MECOM: variants seen among roughly 807,000 people sequenced by gnomAD.
MECOM encodes the protein MDS1 and EVI1 complex locus.
Under a neutral mutation model 116.3 loss-of-function variants are expected in MECOM, and 13 were observed. That is an observed-to-expected ratio of 0.11 (90% confidence interval 0.07 to 0.18). The LOEUF is 0.18. Ranked by LOEUF, MECOM falls within the 10% of genes least tolerant of loss-of-function variation. The pLI is 1.00. For missense variants in MECOM, 1,299 were observed against 1,509.0 expected (o/e 0.86, Z 2.31); for synonymous variants, 528 against 535.2 (o/e 0.99, Z 0.19).
chr3:169,257,836 A>G (rs1396076137), intron 2 of MECOM, among the ~76,000 whole-genome samples: 2 of 152,164 alleles, frequency 1.3e-5, no homozygotes, highest in Non-Finnish European at 2.9e-5. Context: ...TAGAGATGTA[A>G]CCTATATATT....
intron 10 of MECOM, among the ~76,000 whole-genome samples, chr3:169,103,747 G>A (rs1163718287): frequency 1.3e-5 from 2 of 152,160 alleles, no homozygotes; most frequent in Non-Finnish European, 2.9e-5. Context: ...CACACAGCTG[G>A]ACAGAATACC....
At chr3:169,464,443 G>A (rs1747953600) in intron 1 of MECOM, among the ~76,000 whole-genome samples, 1 of 152,042 alleles carries the variant, frequency 6.6e-6, no homozygotes, top group African/African-American at 2.4e-5. Flanking sequence ...TGTCCATCAG[G>A]ATGTCTCGCC....
rs183636563 is a variant in MECOM, at chr3:169,124,837, A to C, written c.831-2110T>G. Among the ~76,000 whole-genome samples the C allele has an allele frequency of 3.1e-3, 467 of 152,170 alleles. 3 individuals carry two copies. Among genetic ancestry groups the C allele is most frequent in the Middle Eastern group, 0.014 (4 of 294 alleles). ...AGAAAAGAAAAAGTACCAACCATGA[A>C]AGCATTCTTTTATTTTCTTTTATTT... On this transcript the variant is annotated intron_variant, in intron 5 of 16. Transcript: ENST00000651503.
intron 1 of MECOM, among the ~76,000 whole-genome samples, chr3:169,547,523 TC>T (rs1417454050): frequency 6.6e-6 from 1 of 152,188 alleles, no homozygotes; most frequent in Non-Finnish European, 1.5e-5. Flanking sequence ...GGGTTCATAC[TC>T]CACCTCTGCC....
Position 169,151,715 on chromosome 3 carries a change from A to G in MECOM, c.376-7883T>C, listed in dbSNP as rs560654088. Among the ~76,000 whole-genome samples, 13 of 152,346 alleles carry G rather than the reference A, an allele frequency of 8.5e-5. 1 individual carries two copies. Among genetic ancestry groups the G allele is most frequent in the African/African-American group, 2.4e-4 (10 of 41,578 alleles). On this transcript the variant is annotated intron_variant, in intron 2 of 16. Coordinates refer to ENST00000651503, the MANE Select transcript of MECOM (RefSeq NM_004991.4). ...TGATGTGTGTTTAAAAAGAAAATCAATGCTTCCTTTTCCATGTCAGAATAG... is the reference window on the plus strand; with the variant it reads ...TGATGTGTGTTTAAAAAGAAAATCAGTGCTTCCTTTTCCATGTCAGAATAG...
rs117025411 is a variant in MECOM, at chr3:169,230,973, C to T, written c.376-87141G>A. 3.6e-4 allele frequency among the ~76,000 whole-genome samples: 55 copies of T among 152,160 alleles called. No homozygotes were observed. The East Asian group carries it at 0.01, about 29-fold the overall frequency. On this transcript the variant is annotated intron_variant, in intron 2 of 16. Coordinates refer to ENST00000651503, the MANE Select transcript of MECOM (RefSeq NM_004991.4). ...TTTAACTTTCACTTTTATTAACTTG[C>T]CATTCATAGACGTTTGTTTAAATAC...
At position 169,084,604 on chromosome 3, in the gene MECOM, G is replaced by C. The variant is rs1576800732; in HGVS notation, c.*305C>G. The C allele has an allele frequency of 3.1e-6, 1 of 322,930 alleles. No homozygotes were observed. The highest frequency in any genetic ancestry group is 5.8e-6 in the Non-Finnish European group (1 of 173,888). 20.0% of individuals were successfully genotyped at this position (322,930 alleles called of 1,614,324 possible). A position where few individuals can be genotyped will look rare whatever the true frequency, so the allele number is the denominator to read the frequency against. On this transcript the variant is annotated 3_prime_UTR_variant, in exon 17 of 17. Transcript: ENST00000651503. ...TCTCACCCACCCATACCCTAAGGTG[G>C]GGTAAACTGGAAGATGCCTTCAGCC...
intron 2 of MECOM, among the ~76,000 whole-genome samples, chr3:169,372,014 A>G (rs1730222569): frequency 6.6e-6 from 1 of 152,074 alleles, no homozygotes. Context: ...ACATTGTTGG[A>G]ACATAATGTA....
At chr3:169,296,523 CAG>C (rs1172855053) in intron 2 of MECOM, among the ~76,000 whole-genome samples, 4 of 152,264 alleles carry the variant, frequency 2.6e-5, no homozygotes, top group African/African-American at 9.6e-5. Flanking sequence ...TCAGTAAACT[CAG>C]GGCATTCTGA....
intron 2 of MECOM, among the ~76,000 whole-genome samples, chr3:169,258,355 T>G (rs1367926459): frequency 6.6e-6 from 1 of 152,234 alleles, no homozygotes; most frequent in Non-Finnish European, 1.5e-5. Flanking sequence ...GGAATTTATT[T>G]ACTTGCAATA....
intron 1 of MECOM, among the ~76,000 whole-genome samples, chr3:169,535,971 T>A (rs2109186713): frequency 6.6e-6 from 1 of 152,348 alleles, no homozygotes; most frequent in Admixed American, 6.5e-5. Context: ...CCCAATATCA[T>A]GTTAAGAATA....
chr3:169,441,743 T>A (rs1560279073), intron 1 of MECOM, among the ~76,000 whole-genome samples: 1 of 144,918 alleles, frequency 6.9e-6, no homozygotes, highest in Non-Finnish European at 1.6e-5. Context: ...TTTTTTTTTT[T>A]TAAAAAAGGG....
chr3:169,127,775 G>T, intron 5 of MECOM, 69 bp downstream of exon 5: 1 of 1,400,070 alleles, frequency 7.1e-7, no homozygotes, highest in Admixed American at 1.7e-5. Flanking sequence ...TCTGCACAAA[G>T]CCTCAAAATT....
chr3:169,293,933 T>G (rs766222993), intron 2 of MECOM, among the ~76,000 whole-genome samples: 1 of 152,192 alleles, frequency 6.6e-6, no homozygotes, highest in Non-Finnish European at 1.5e-5. Flanking sequence ...CCTGAGAGGC[T>G]CAGGGCTATT....
intron 2 of MECOM, among the ~76,000 whole-genome samples, chr3:169,148,266 G>A (rs751039404): frequency 4.6e-5 from 7 of 152,038 alleles, no homozygotes; most frequent in Non-Finnish European, 1.0e-4. Flanking sequence ...ACGCCAAAAC[G>A]TGCAATAAGC....
intron 2 of MECOM, among the ~76,000 whole-genome samples, chr3:169,329,631 A>G (rs1722411096): frequency 1.3e-5 from 2 of 152,176 alleles, no homozygotes; most frequent in Admixed American, 1.3e-4. Context: ...TGTTCATAGT[A>G]AAGTTGAATT....
chr3:169,505,569 G>A (rs56220369), intron 1 of MECOM, among the ~76,000 whole-genome samples: 25,391 of 152,002 alleles, frequency 0.17, 2,287 homozygotes, highest in East Asian at 0.33. Context: ...GTATGCATAC[G>A]TGCACACACA....
chr3:169,488,800 G>A (rs949348154), intron 1 of MECOM, among the ~76,000 whole-genome samples: 8 of 151,744 alleles, frequency 5.3e-5, no homozygotes, highest in Non-Finnish European at 2.9e-5. Context: ...CAAAACTTGT[G>A]AAAAGCAGCT....
At chr3:169,395,753 A>C (rs2108363071) in intron 1 of MECOM, among the ~76,000 whole-genome samples, 1 of 152,300 alleles carries the variant, frequency 6.6e-6, no homozygotes, top group South Asian at 2.1e-4. Flanking sequence ...AAATATTACC[A>C]ACTAAATTTG....
Sources: gnomAD v4.1 joint callset for allele counts (sites outside exome capture counted in the v4.1 genomes callset) on GRCh38, gnomAD v4.1.1 for gene constraint, MANE v1.5 for transcripts, NCBI Gene and HGNC (gene_info 2026-07-23, HGNC 2026-07-21) for gene names.